USH2A: variants seen among roughly 807,000 people sequenced by gnomAD.
The protein encoded by USH2A is Usher syndrome 2A (autosomal recessive, mild).
USH2A carries 443 observed loss-of-function variants against 538.9 expected under a neutral mutation model. That is an observed-to-expected ratio of 0.82 (90% CI 0.76 to 0.89). The LOEUF is 0.89. Ranked by LOEUF, USH2A falls within the 40% of genes least tolerant of loss-of-function variation. USH2A has a pLI of 0.00. For synonymous variants in USH2A, 2,413 were observed against 2,273.5 expected, an observed-to-expected ratio of 1.06 and a Z score of -1.75; for missense variants, 6,633 against 6,324.8, an observed-to-expected ratio of 1.05 and a Z score of -1.65.
intron 21 of USH2A, among the ~76,000 whole-genome samples, chr1:216,130,403 TATG>T (rs1279222154): frequency 6.6e-6 from 1 of 151,662 alleles, no homozygotes; most frequent in African/African-American, 2.4e-5. Context: ...AGTGAGCATA[TATG>T]ATGTTTGGTT....
At chr1:215,780,935 A>G (rs1661616889) in intron 54 of USH2A, among the ~76,000 whole-genome samples, 1 of 152,248 alleles carries the variant, frequency 6.6e-6, no homozygotes. Context: ...CTAAAGTTTT[A>G]AGCATATGAA....
chr1:215,776,512 A>G (rs1661472646), intron 55 of USH2A, among the ~76,000 whole-genome samples: 1 of 152,068 alleles, frequency 6.6e-6, no homozygotes, highest in African/African-American at 2.4e-5. Context: ...AAGCATGGAG[A>G]CAATGGGGCC....
chr1:215,766,772 G>A lies in USH2A; in HGVS notation c.10956C>T (p.Thr3652=). 1.2e-6 allele frequency: 2 copies of A among 1,613,516 alleles called. No homozygotes were observed. The highest frequency in any genetic ancestry group is 1.7e-6 in the Non-Finnish European group (2 of 1,179,564). ...QHTVTGLQPY[T]NYSFTLTACT... is the part of the protein sequence containing the mutation. ...AAGCTGTAAGAGTGAAGCTGTAGTT[G>A]GTGTATGGCTGGAGACCTAGAAAAA... The change falls in exon 56 of 72, where the codon ACC becomes ACT. Residue 3652 remains threonine, a synonymous_variant. Transcript: ENST00000307340.
chr1:215,689,821 G>A (rs188634458), intron 61 of USH2A, among the ~76,000 whole-genome samples: 4 of 152,224 alleles, frequency 2.6e-5, no homozygotes, highest in East Asian at 1.9e-4. Flanking sequence ...TCAAACCTCC[G>A]GATGAGAACA....
At chr1:216,221,119 A>G (rs1286434376) in intron 14 of USH2A, among the ~76,000 whole-genome samples, 1 of 152,204 alleles carries the variant, frequency 6.6e-6, no homozygotes, top group Non-Finnish European at 1.5e-5. Context: ...ATAAAGCACC[A>G]GGGAAGCTTT....
chr1:216,152,480 C>A (rs1316469926), intron 21 of USH2A, among the ~76,000 whole-genome samples: 5 of 151,344 alleles, frequency 3.3e-5, no homozygotes, highest in Non-Finnish European at 5.9e-5. Flanking sequence ...CACTGAGCAC[C>A]TTGCGACCCC....
At chr1:216,421,593 C>T (rs914684429) in intron 2 of USH2A, among the ~76,000 whole-genome samples, 5 of 152,160 alleles carry the variant, frequency 3.3e-5, no homozygotes, top group Non-Finnish European at 7.3e-5. Flanking sequence ...GACCAAAGGT[C>T]GCGCTAAGCT....
intron 35 of USH2A, among the ~76,000 whole-genome samples, chr1:215,990,707 TATTTCTAC>T (rs1667982866): frequency 6.6e-6 from 1 of 151,898 alleles, no homozygotes; most frequent in African/African-American, 2.4e-5. Flanking sequence ...GAATGAGTTG[TATTTCTAC>T]AGGTAAGGAC....
intron 32 of USH2A, among the ~76,000 whole-genome samples, chr1:216,001,049 C>T (rs368464018): frequency 1.1e-4 from 17 of 152,218 alleles, no homozygotes; most frequent in African/African-American, 3.6e-4. Flanking sequence ...TTCAAATTGT[C>T]GAGGTGCAGT....
chr1:215,746,407 T>C (rs1660472919), intron 58 of USH2A, among the ~76,000 whole-genome samples: 2 of 151,686 alleles, frequency 1.3e-5, no homozygotes, highest in African/African-American at 2.4e-5. Flanking sequence ...TTAAGTGTGT[T>C]ACTATCATAT....
chr1:216,028,156 G>C (rs1468630795), intron 32 of USH2A, among the ~76,000 whole-genome samples: 1 of 152,118 alleles, frequency 6.6e-6, no homozygotes. Context: ...GGGAAGCCAA[G>C]GTGGGCGGAA....
At chr1:215,664,315 T>C (rs1657537439) in intron 64 of USH2A, among the ~76,000 whole-genome samples, 1 of 152,192 alleles carries the variant, frequency 6.6e-6, no homozygotes, top group Admixed American at 6.5e-5. Flanking sequence ...TGAATAAATA[T>C]GTTAGGTTTC....
At chr1:215,993,308 G>A in intron 34 of USH2A, 141 bp from the exon 35 acceptor site, 3 of 1,303,672 alleles carry the variant, frequency 2.3e-6, no homozygotes, top group Non-Finnish European at 3.2e-6. Flanking sequence ...ATTCATTTCA[G>A]TGTTAAGATT....
chr1:215,900,734 T>C (rs1228700312), intron 39 of USH2A, 21 bp downstream of exon 39: 4 of 1,613,328 alleles, frequency 2.5e-6, no homozygotes, highest in Non-Finnish European at 3.4e-6. Context: ...GCTGATAGAA[T>C]GGACAAAGTA....
intron 66 of USH2A, among the ~76,000 whole-genome samples, chr1:215,648,029 G>A (rs1310490526): frequency 6.6e-6 from 1 of 152,188 alleles, no homozygotes; most frequent in African/African-American, 2.4e-5. Flanking sequence ...CTTTTAAGAG[G>A]AGAGACATAA....
At chr1:215,809,247 T>A (rs1432025874) in intron 49 of USH2A, among the ~76,000 whole-genome samples, 3 of 152,178 alleles carry the variant, frequency 2.0e-5, no homozygotes, top group African/African-American at 7.2e-5. Context: ...ATGTATCCCA[T>A]GGTACAGGGC....
intron 21 of USH2A, among the ~76,000 whole-genome samples, chr1:216,107,984 T>G (rs1199188661): frequency 6.6e-6 from 1 of 151,920 alleles, no homozygotes; most frequent in Non-Finnish European, 1.5e-5. Context: ...TGTTGTAAAC[T>G]GCAGAATATG....
intron 58 of USH2A, among the ~76,000 whole-genome samples, chr1:215,748,125 T>G (rs1388737246): frequency 6.6e-6 from 1 of 152,144 alleles, no homozygotes; most frequent in African/African-American, 2.4e-5. Context: ...TCTCCTGACC[T>G]CATGATCCAC....
intron 60 of USH2A, among the ~76,000 whole-genome samples, chr1:215,734,530 C>T (rs962760306): frequency 6.6e-6 from 1 of 152,172 alleles, no homozygotes; most frequent in African/African-American, 2.4e-5. Context: ...ACCACAGGGC[C>T]AGGCTGCAAA....
Sources: gnomAD v4.1 joint callset for allele counts (sites outside exome capture counted in the v4.1 genomes callset) on GRCh38, gnomAD v4.1.1 for gene constraint, MANE v1.5 for transcripts, NCBI Gene and HGNC (gene_info 2026-07-23, HGNC 2026-07-21) for gene names.